The following ACP7 variants were observed in gnomAD, a reference collection of about 807,000 sequenced individuals.
ACP7 encodes acid phosphatase 7, tartrate resistant (putative).
ACP7 carries 58 observed loss-of-function variants against 60.6 expected under a neutral mutation model. The observed-to-expected ratio is 0.96, with a 90% CI of 0.77 to 1.19. The LOEUF (loss-of-function observed/expected upper bound fraction) is 1.19, where lower values mean the gene tolerates loss of function less well. Ranked by LOEUF, ACP7 falls within the 50% of genes most tolerant of loss-of-function variation. The probability of loss-of-function intolerance (pLI) is 0.00; values close to 1 mark genes in which losing one functional copy is unlikely to be tolerated. For missense variants in ACP7, 574 were observed against 596.2 expected, an observed-to-expected ratio of 0.96 and a Z score of 0.39; for synonymous variants, 237 against 232.6, an observed-to-expected ratio of 1.02 and a Z score of -0.17.
rs1181543408 is a variant in ACP7, at chr19:39,111,013, C to T, written c.*895C>T. The stretch of plus-strand genomic sequence containing the variant: ...CGCAGGGACGGTGAGAGAGCAGTTT[C>T]AATTTTCAGGGGGATCTCACTGAGA... On this transcript the variant is annotated 3_prime_UTR_variant, in exon 13 of 13. Coordinates refer to ENST00000331256, the MANE Select transcript of ACP7 (RefSeq NM_001004318.3). The T allele has an allele frequency of 6.6e-6, 1 of 152,104 alleles. No homozygotes were observed. The highest frequency in any genetic ancestry group is 1.5e-5 in the Non-Finnish European group (1 of 68,044). The allele number at this position is 152,104 out of a possible 1,614,324, so 9.4% of individuals were successfully genotyped here. A position where few individuals can be genotyped will look rare whatever the true frequency, so the allele number is the denominator to read the frequency against.
chr19:39,088,131 C>T (rs1287151563), intron 2 of ACP7, among the ~76,000 whole-genome samples: 2 of 152,162 alleles, frequency 1.3e-5, no homozygotes, highest in Admixed American at 1.3e-4. Context: ...AAGTGATCCT[C>T]CTGACTCAGC....
chr19:39,098,707 T>C (rs376968718), intron 3 of ACP7, 49 bp downstream of exon 3: 416 of 1,546,082 alleles, frequency 2.7e-4, no homozygotes, highest in Non-Finnish European at 3.3e-4. Context: ...GGAAGAGGAG[T>C]GGGATGCAGA....
chr19:39,090,139 CTTT>C (rs903235073), intron 2 of ACP7, among the ~76,000 whole-genome samples: 6 of 151,464 alleles, frequency 4.0e-5, no homozygotes, highest in African/African-American at 1.5e-4. Context: ...TGCCCTCCTT[CTTT>C]TTTTTTCTTT....
At chr19:39,091,859 C>G (rs1359383509) in intron 2 of ACP7, among the ~76,000 whole-genome samples, 1 of 151,858 alleles carries the variant, frequency 6.6e-6, no homozygotes, top group Non-Finnish European at 1.5e-5. Flanking sequence ...TGCAGTGAAC[C>G]AAGATCACAC....
At chr19:39,103,400 C>T (rs1335479443) in intron 11 of ACP7, among the ~76,000 whole-genome samples, 2 of 144,762 alleles carry the variant, frequency 1.4e-5, no homozygotes, top group Non-Finnish European at 3.0e-5. Context: ...TCATCCCCTC[C>T]TTATTCTCTG....
chr19:39,110,668 G>A lies in ACP7; in HGVS notation c.*550G>A, dbSNP rs550238505. The A allele has an allele frequency of 6.6e-6, 1 of 152,618 alleles. No individual in the cohort carries two copies. Among genetic ancestry groups the A allele is most frequent in the African/African-American group, 2.4e-5 (1 of 41,562 alleles). 9.5% of individuals were successfully genotyped at this position (152,618 alleles called of 1,614,324 possible). On this transcript the variant is annotated 3_prime_UTR_variant, in exon 13 of 13. Transcript: ENST00000331256. Reference sequence around the variant, plus strand: ...CTATGAAGAGTCCCTTCATGCCTCAGTTTCCCAGCCTGGCACCATCTTATT... The same window carrying A: ...CTATGAAGAGTCCCTTCATGCCTCAATTTCCCAGCCTGGCACCATCTTATT...
intron 4 of ACP7, among the ~76,000 whole-genome samples, chr19:39,099,630 C>T (rs1184864973): frequency 1.3e-5 from 2 of 152,052 alleles, no homozygotes; most frequent in Non-Finnish European, 2.9e-5. Context: ...TTTATTTCTA[C>T]ATCTTCACTA....
intron 11 of ACP7, among the ~76,000 whole-genome samples, chr19:39,102,781 T>TTC (rs1215908836): frequency 8.5e-6 from 1 of 118,078 alleles, no homozygotes; most frequent in Admixed American, 8.7e-5. Flanking sequence ...CTCTCTCTCT[T>TTC]TCTCTCTCTC....
At chr19:39,084,442 C>T (rs373601326) in intron 1 of ACP7, 42 bp downstream of exon 1, 5 of 152,152 alleles carry the variant, frequency 3.3e-5, no homozygotes, top group Admixed American at 1.3e-4. Context: ...CCCGGATGGT[C>T]CCGACCCGGC....
rs140360342 is a variant in ACP7, at chr19:39,105,763, C to T, written c.1114-1184C>T. On this transcript the variant is annotated intron_variant, in intron 11 of 12. Transcript: ENST00000331256. ...CTGGGCTCAAGCAATCTGCCCGCCT[C>T]GGCCTCCCAGAGTGCTGGAATTACA... Among the ~76,000 whole-genome samples the T allele has an allele frequency of 2.8e-4, 42 of 152,294 alleles. No homozygotes were observed. In the East Asian group the frequency reaches 7.3e-3, roughly 27 times the overall value.
At chr19:39,086,840 A>T (rs546797703) in intron 2 of ACP7, among the ~76,000 whole-genome samples, 1 of 152,304 alleles carries the variant, frequency 6.6e-6, no homozygotes, top group South Asian at 2.1e-4. Flanking sequence ...TTACTAAATA[A>T]GGTATTAAAA....
chr19:39,107,325 G>A (rs933026649), intron 12 of ACP7, among the ~76,000 whole-genome samples: 4 of 152,020 alleles, frequency 2.6e-5, no homozygotes, highest in African/African-American at 9.7e-5. Context: ...GCTCATGCCT[G>A]TAATTCCAGC....
intron 12 of ACP7, among the ~76,000 whole-genome samples, chr19:39,109,243 C>T (rs370824305): frequency 1.4e-4 from 21 of 152,228 alleles, no homozygotes; most frequent in Non-Finnish European, 2.6e-4. Flanking sequence ...AGTTGGAGGA[C>T]GGCCAAGCTG....
chr19:39,091,720 G>A (rs1256913942), intron 2 of ACP7, among the ~76,000 whole-genome samples: 1 of 151,846 alleles, frequency 6.6e-6, no homozygotes, highest in African/African-American at 2.4e-5. Flanking sequence ...GACCAGCCTG[G>A]CCAACATAGT....
At chr19:39,109,775 TGCTCTAATAATA>T (rs923654144) in intron 12 of ACP7, among the ~76,000 whole-genome samples, 3 of 151,650 alleles carry the variant, frequency 2.0e-5, no homozygotes, top group African/African-American at 7.3e-5. Context: ...CCAGAGTTTG[TGCTCTAATAATA>T]GCCTACACTT....
chr19:39,087,729 T>C (rs1294402304), intron 2 of ACP7, among the ~76,000 whole-genome samples: 1 of 151,014 alleles, frequency 6.6e-6, no homozygotes, highest in East Asian at 1.9e-4. Flanking sequence ...CACCTCCTGG[T>C]TTCAAGCGAT....
At chr19:39,091,298 G>A (rs1028892351) in intron 2 of ACP7, among the ~76,000 whole-genome samples, 2 of 151,984 alleles carry the variant, frequency 1.3e-5, no homozygotes, top group Admixed American at 1.3e-4. Flanking sequence ...AAGTAGCTGG[G>A]ACTACAGGCG....
intron 2 of ACP7, among the ~76,000 whole-genome samples, chr19:39,095,381 T>C (rs901878429): frequency 2.6e-5 from 4 of 152,154 alleles, no homozygotes; most frequent in African/African-American, 9.7e-5. Flanking sequence ...CCCATGCAAG[T>C]CCAAAATCCA....
intron 2 of ACP7, among the ~76,000 whole-genome samples, chr19:39,089,414 A>G (rs150181515): frequency 2.6e-5 from 4 of 152,292 alleles, no homozygotes; most frequent in African/African-American, 9.6e-5. Context: ...TTTAGCAGAA[A>G]CATTCCAAAA....
Sources: gnomAD v4.1 joint callset for allele counts (sites outside exome capture counted in the v4.1 genomes callset) on GRCh38, gnomAD v4.1.1 for gene constraint, MANE v1.5 for transcripts, NCBI Gene and HGNC (gene_info 2026-07-23, HGNC 2026-07-21) for gene names.